The following FBXO11 variants were observed in gnomAD, a reference collection of about 807,000 sequenced individuals.
FBXO11 encodes the protein F-box protein 11.
FBXO11 carries 13 observed loss-of-function variants against 117.0 expected under a neutral mutation model. The ratio of observed to expected loss-of-function variants is 0.11; its 90% CI spans 0.07 to 0.18. The LOEUF (loss-of-function observed/expected upper bound fraction) is 0.18. Ranked by LOEUF, FBXO11 falls within the 10% of genes least tolerant of loss-of-function variation. The pLI is 1.00. For synonymous variants in FBXO11, 490 were observed against 380.5 expected (o/e 1.29, Z -3.35); for missense variants, 767 against 1,164.4 (o/e 0.66, Z 4.97).
At chr2:47,863,878 T>C (rs1172473830) in intron 1 of FBXO11, among the ~76,000 whole-genome samples, 3 of 145,402 alleles carry the variant, frequency 2.1e-5, no homozygotes, top group African/African-American at 7.7e-5. Flanking sequence ...GAGGTGGAGG[T>C]TGCAGTGAGC....
intron 1 of FBXO11, among the ~76,000 whole-genome samples, chr2:47,871,922 A>G (rs960489426): frequency 2.6e-5 from 4 of 152,200 alleles, no homozygotes; most frequent in Non-Finnish European, 5.9e-5. Flanking sequence ...TCCACATGTC[A>G]TATATATTTT....
chr2:47,820,055 A>G (rs959199803), intron 14 of FBXO11, among the ~76,000 whole-genome samples: 1 of 152,236 alleles, frequency 6.6e-6, no homozygotes, highest in Admixed American at 6.5e-5. Flanking sequence ...ATAGACTGCA[A>G]ATGAACTGCT....
chr2:47,885,119 TAAC>T (rs1297005676), intron 1 of FBXO11, among the ~76,000 whole-genome samples: 2 of 152,244 alleles, frequency 1.3e-5, no homozygotes, highest in African/African-American at 4.8e-5. Flanking sequence ...TAAATGGGCC[TAAC>T]AACAACTGTA....
At chr2:47,868,293 A>AT in intron 1 of FBXO11, among the ~76,000 whole-genome samples, 1 of 151,624 alleles carries the variant, frequency 6.6e-6, no homozygotes, top group Non-Finnish European at 1.5e-5. Flanking sequence ...AAAAAAAAAA[A>AT]AAAAAAAAAG....
intron 19 of FBXO11, 180 bp from the exon 20 acceptor site, chr2:47,809,887 CTA>C (rs772733699): frequency 1.8e-6 from 1 of 544,698 alleles, no homozygotes; most frequent in Non-Finnish European, 3.2e-6. Flanking sequence ...TTATCAATGA[CTA>C]TGGTCAAAAC....
intron 1 of FBXO11, among the ~76,000 whole-genome samples, chr2:47,903,165 CAT>C (rs542720351): frequency 3.0e-4 from 46 of 152,242 alleles, no homozygotes; most frequent in South Asian, 6.2e-4. Context: ...CAAAGAATAA[CAT>C]ATTTTTCCAT....
rs764765212 is a variant in FBXO11 at position 47,834,875 on chromosome 2, A to C, written c.718-4T>G. 4 of 1,607,916 alleles carry C rather than the reference A, an allele frequency of 2.5e-6. No individual in the cohort carries two copies. The South Asian group carries it at 3.3e-5, about 13-fold the overall frequency. Reference sequence around the variant, plus strand: ...GCTTTACATGTGCACCTTTATACTAAAATGTCAAAAACAAAACAAAACCAT... The same window carrying C: ...GCTTTACATGTGCACCTTTATACTACAATGTCAAAAACAAAACAAAACCAT... On this transcript the variant is annotated splice_polypyrimidine_tract_variant and splice_region_variant and intron_variant, in intron 5 of 22. Transcript: ENST00000403359.
intron 1 of FBXO11, among the ~76,000 whole-genome samples, chr2:47,886,566 T>C (rs933543271): frequency 6.6e-5 from 10 of 152,002 alleles, no homozygotes; most frequent in African/African-American, 2.2e-4. Flanking sequence ...AAGATATTTG[T>C]ATAGGGTTGT....
chr2:47,891,803 C>T (rs978370830), intron 1 of FBXO11, among the ~76,000 whole-genome samples: 3 of 152,026 alleles, frequency 2.0e-5, no homozygotes, highest in Admixed American at 6.6e-5. Context: ...TTTTTTTAAA[C>T]AGTCATCCTA....
chr2:47,807,625 G>A lies in FBXO11; in HGVS notation c.*493C>T, dbSNP rs147067367. The A allele has an allele frequency of 4.1e-5, 9 of 221,544 alleles. No individual in the cohort carries two copies. Among genetic ancestry groups the A allele is most frequent in the African/African-American group, 1.1e-4 (5 of 44,178 alleles). 13.7% of individuals were successfully genotyped at this position (221,544 alleles called of 1,614,324 possible). ...TTGAAATTAAAAACAAACTACATGA[G>A]ATTAAAGCATTAAAATCATATTTCT... is the stretch of plus-strand genomic sequence containing the variant. On this transcript the variant is annotated 3_prime_UTR_variant, in exon 23 of 23. Coordinates refer to ENST00000403359, the MANE Select transcript of FBXO11 (RefSeq NM_001190274.2).
At chr2:47,871,029 A>G (rs1293841232) in intron 1 of FBXO11, among the ~76,000 whole-genome samples, 1 of 152,212 alleles carries the variant, frequency 6.6e-6, no homozygotes, top group Non-Finnish European at 1.5e-5. Context: ...TAGAAAGTCC[A>G]CAAATGCTTT....
At chr2:47,830,927 T>C (rs1182896568) in intron 11 of FBXO11, among the ~76,000 whole-genome samples, 1 of 152,072 alleles carries the variant, frequency 6.6e-6, no homozygotes, top group Non-Finnish European at 1.5e-5. Context: ...AGCCCCCAAG[T>C]AGCTGGGACT....
chr2:47,893,017 T>C (rs1462008230), intron 1 of FBXO11, among the ~76,000 whole-genome samples: 2 of 151,996 alleles, frequency 1.3e-5, no homozygotes, highest in African/African-American at 4.8e-5. Flanking sequence ...GAACCAGGCA[T>C]GGTGGCACGT....
intron 1 of FBXO11, among the ~76,000 whole-genome samples, chr2:47,853,412 T>C (rs549285380): frequency 6.6e-6 from 1 of 152,312 alleles, no homozygotes; most frequent in African/African-American, 2.4e-5. Context: ...CATGTCATAT[T>C]TTATTCAAAT....
At chr2:47,829,797 AG>A (rs1672046461) in intron 11 of FBXO11, among the ~76,000 whole-genome samples, 1 of 152,250 alleles carries the variant, frequency 6.6e-6, no homozygotes, top group Non-Finnish European at 1.5e-5. Context: ...AATAATCCAG[AG>A]TGTAAAAAAG....
intron 1 of FBXO11, chr2:47,905,233 G>A (rs567318479): frequency 4.2e-4 from 104 of 247,778 alleles, no homozygotes; most frequent in Non-Finnish European, 6.8e-4. Context: ...GGGGGTGGAG[G>A]GTGCTGAGCC....
At chr2:47,816,690 C>CA in intron 16 of FBXO11, among the ~76,000 whole-genome samples, 1 of 152,298 alleles carries the variant, frequency 6.6e-6, no homozygotes, top group Middle Eastern at 3.4e-3. Context: ...GTGAAAACAA[C>CA]AATCTCCTTG....
chr2:47,818,934 C>T, intron 15 of FBXO11, 22 bp downstream of exon 15: 1 of 1,601,534 alleles, frequency 6.2e-7, no homozygotes, highest in Non-Finnish European at 8.5e-7. Context: ...ATTTCCCATC[C>T]AAGAGTCCAG....
intron 1 of FBXO11, among the ~76,000 whole-genome samples, chr2:47,848,740 G>C (rs1299308974): frequency 6.6e-6 from 1 of 152,058 alleles, no homozygotes; most frequent in East Asian, 1.9e-4. Flanking sequence ...AATAATCTCT[G>C]ACATCTTTGA....
Sources: allele counts gnomAD v4.1 joint callset (sites outside exome capture counted in the v4.1 genomes callset), GRCh38; gene constraint gnomAD v4.1.1; transcripts MANE v1.5; gene names NCBI Gene and HGNC (gene_info 2026-07-23, HGNC 2026-07-21).